Variants in CCSER1 observed in about 807,000 individuals in gnomAD.
The protein encoded by CCSER1 is serine-rich coiled-coil domain-containing protein 1.
In CCSER1, 41 loss-of-function variants were observed where a neutral mutation model predicts 82.0. That is an observed-to-expected ratio of 0.50 (90% confidence interval 0.39 to 0.65). The LOEUF (loss-of-function observed/expected upper bound fraction) is 0.65. CCSER1 is among the 30% of genes least tolerant of loss of function. CCSER1 has a pLI of 0.00. For missense variants in CCSER1, 1,119 were observed against 1,064.2 expected (o/e 1.05, Z -0.72); for synonymous variants, 414 against 383.9 (o/e 1.08, Z -0.92).
chr4:90,695,798 G>A (rs1025579729), intron 6 of CCSER1, among the ~76,000 whole-genome samples: 7 of 151,582 alleles, frequency 4.6e-5, no homozygotes, highest in South Asian at 2.1e-4. Flanking sequence ...TTTTTTCAAG[G>A]AATTTTTTTA....
At chr4:91,102,447 T>C (rs1202307242) in intron 10 of CCSER1, among the ~76,000 whole-genome samples, 2 of 152,202 alleles carry the variant, frequency 1.3e-5, no homozygotes, top group Admixed American at 1.3e-4. Flanking sequence ...ATGTCTTTTC[T>C]TTTTAATCTG....
At chr4:90,414,558 A>T (rs879562709) in intron 4 of CCSER1, among the ~76,000 whole-genome samples, 1 of 152,154 alleles carries the variant, frequency 6.6e-6, no homozygotes, top group African/African-American at 2.4e-5. Context: ...TGATAAACTA[A>T]AAAGTATATT....
chr4:91,047,218 G>C (rs1370565522), intron 9 of CCSER1, among the ~76,000 whole-genome samples: 1 of 151,394 alleles, frequency 6.6e-6, no homozygotes, highest in Non-Finnish European at 1.5e-5. Context: ...CTCACAGTTT[G>C]ATATCCAAAG....
At chr4:90,449,341 G>A (rs571299680) in intron 4 of CCSER1, among the ~76,000 whole-genome samples, 1 of 152,324 alleles carries the variant, frequency 6.6e-6, no homozygotes, top group East Asian at 1.9e-4. Flanking sequence ...GCCATGGGCA[G>A]GCCTGGAAAA....
intron 10 of CCSER1, among the ~76,000 whole-genome samples, chr4:91,090,349 C>A (rs1454220074): frequency 6.6e-6 from 1 of 152,046 alleles, no homozygotes; most frequent in Non-Finnish European, 1.5e-5. Flanking sequence ...TGGGGGCAAT[C>A]CAGTCCTGGC....
At chr4:91,150,864 T>C (rs1245845834) in intron 10 of CCSER1, among the ~76,000 whole-genome samples, 2 of 152,220 alleles carry the variant, frequency 1.3e-5, no homozygotes, top group East Asian at 1.9e-4. Context: ...CCGCTGGATT[T>C]GATTTGCCAG....
At chr4:91,054,018 A>G (rs1743223927) in intron 9 of CCSER1, among the ~76,000 whole-genome samples, 1 of 152,194 alleles carries the variant, frequency 6.6e-6, no homozygotes, top group Admixed American at 6.5e-5. Context: ...ATCCTCTTGC[A>G]TGTGTATGAG....
chr4:90,518,865 A>C (rs1257472696), intron 5 of CCSER1, among the ~76,000 whole-genome samples: 1 of 151,900 alleles, frequency 6.6e-6, no homozygotes, highest in Non-Finnish European at 1.5e-5. Flanking sequence ...AGATACATAG[A>C]TAGGACTGTT....
rs529029506 is a variant in CCSER1, at chr4:90,564,296, T to C, written c.1725-63729T>C. Among the ~76,000 whole-genome samples, 136 of 152,290 alleles carry C rather than the reference T, an allele frequency of 8.9e-4. 1 individual carries two copies. Among genetic ancestry groups the C allele is most frequent in the Non-Finnish European group, 1.6e-3 (108 of 68,030 alleles). On this transcript the variant is annotated intron_variant, in intron 5 of 10. Coordinates refer to ENST00000509176, the MANE Select transcript of CCSER1 (RefSeq NM_001145065.2). ...GTCTTGAACTCTGGGCCTCAAGTGA[T>C]CCTCCGCCTTGCCCTCCTAAAGTGC...
intron 8 of CCSER1, among the ~76,000 whole-genome samples, chr4:90,893,756 TGTG>T (rs757369616): frequency 8.2e-6 from 1 of 122,354 alleles, no homozygotes; most frequent in South Asian, 2.7e-4. Context: ...CCTGAATTCT[TGTG>T]TGTGTGTGTG....
chr4:91,362,931 G>A (rs950658205), intron 10 of CCSER1, among the ~76,000 whole-genome samples: 58 of 151,512 alleles, frequency 3.8e-4, no homozygotes, highest in African/African-American at 1.3e-3. Context: ...TTGAATACAG[G>A]GTGAACTCCT....
intron 10 of CCSER1, among the ~76,000 whole-genome samples, chr4:91,385,766 T>C (rs556045417): frequency 1.3e-5 from 2 of 151,978 alleles, no homozygotes; most frequent in African/African-American, 4.8e-5. Context: ...GTGGTATTGG[T>C]AAAGCAATTC....
At chr4:90,210,151 T>C (rs1407511917) in intron 1 of CCSER1, among the ~76,000 whole-genome samples, 1 of 152,210 alleles carries the variant, frequency 6.6e-6, no homozygotes, top group East Asian at 1.9e-4. Flanking sequence ...AAAGGTCTTT[T>C]GTTAAAAAGA....
In CCSER1 at chr4:91,257,350, T is replaced by C. The variant is rs118164331; in HGVS notation, c.2217+171356T>C. On this transcript the variant is annotated intron_variant, in intron 10 of 10. Transcript: ENST00000509176. ...TCAAAAAGAAAGTTCAGACAGTAAT[T>C]AATCCTAATTTTTTTTAATATCAAG... Among the ~76,000 whole-genome samples, 1,285 of 152,160 alleles carry C rather than the reference T, an allele frequency of 8.4e-3. 49 individuals carry two copies. The highest frequency in any genetic ancestry group is 0.063 in the Admixed American group (959 of 15,274).
chr4:90,916,734 A>G (rs943210528), intron 8 of CCSER1, among the ~76,000 whole-genome samples: 4 of 152,090 alleles, frequency 2.6e-5, no homozygotes, highest in African/African-American at 7.2e-5. Context: ...GCAACCTACA[A>G]AATGGGAGAA....
chr4:91,501,210 T>C (rs1396120942), intron 10 of CCSER1, among the ~76,000 whole-genome samples: 2 of 151,958 alleles, frequency 1.3e-5, no homozygotes, highest in African/African-American at 4.8e-5. Context: ...AAATAATTAT[T>C]TGATTAGAAA....
intron 3 of CCSER1, among the ~76,000 whole-genome samples, chr4:90,366,095 T>C (rs1428250681): frequency 6.6e-6 from 1 of 151,892 alleles, no homozygotes; most frequent in East Asian, 1.9e-4. Context: ...AGTAAAGCTG[T>C]TCAGTATTCA....
chr4:90,894,314 T>G (rs1224238863), intron 8 of CCSER1, among the ~76,000 whole-genome samples: 1 of 152,056 alleles, frequency 6.6e-6, no homozygotes, highest in East Asian at 1.9e-4. Context: ...CCTATCACAT[T>G]TTTTTAAACT....
At chr4:90,206,687 A>G (rs551783664) in intron 1 of CCSER1, among the ~76,000 whole-genome samples, 1 of 149,518 alleles carries the variant, frequency 6.7e-6, no homozygotes, top group South Asian at 2.2e-4. Context: ...TGAGGTGGAG[A>G]GTTCTGTAGA....
Sources: gnomAD v4.1 joint callset for allele counts (sites outside exome capture counted in the v4.1 genomes callset) on GRCh38, gnomAD v4.1.1 for gene constraint, MANE v1.5 for transcripts, NCBI Gene and HGNC (gene_info 2026-07-23, HGNC 2026-07-21) for gene names.